The following MCF2L2 variants were observed in gnomAD, a reference collection of about 807,000 sequenced individuals.
MCF2L2 encodes the protein MCF.2 cell line derived transforming sequence-like 2.
In MCF2L2, 102 loss-of-function variants were observed where a neutral mutation model predicts 150.2. The observed-to-expected ratio is 0.68, with a 90% confidence interval of 0.58 to 0.80. The LOEUF (loss-of-function observed/expected upper bound fraction) is 0.80, where lower values mean the gene tolerates loss of function less well. Ranked by LOEUF, MCF2L2 falls within the 30% of genes least tolerant of loss-of-function variation. The pLI is 0.00. For missense variants in MCF2L2, 1,256 were observed against 1,372.8 expected (o/e 0.91, Z 1.34); for synonymous variants, 465 against 491.3 (o/e 0.95, Z 0.71).
At chr3:183,301,435 C>T (rs184595958) in intron 10 of MCF2L2, among the ~76,000 whole-genome samples, 37 of 152,218 alleles carry the variant, frequency 2.4e-4, no homozygotes, top group African/African-American at 6.5e-4. Flanking sequence ...TATTTTAAAT[C>T]GGATGGTGAG....
chr3:183,243,839 T>C (rs1189521005), intron 15 of MCF2L2, among the ~76,000 whole-genome samples: 1 of 152,142 alleles, frequency 6.6e-6, no homozygotes, highest in African/African-American at 2.4e-5. Flanking sequence ...AGCAACCAAC[T>C]CCAGAAACCC....
intron 5 of MCF2L2, among the ~76,000 whole-genome samples, chr3:183,338,215 T>C (rs1259376572): frequency 2.6e-5 from 4 of 151,442 alleles, no homozygotes; most frequent in Non-Finnish European, 2.9e-5. Context: ...GGGAGGCCGA[T>C]GCGGGTGTAT....
chr3:183,355,613 ATTTTT>A (rs71185653), intron 3 of MCF2L2, among the ~76,000 whole-genome samples: 4 of 84,454 alleles, frequency 4.7e-5, no homozygotes, highest in South Asian at 3.5e-4. Context: ...CGCCCAGCTA[ATTTTT>A]TTTTTTTTTT....
At chr3:183,335,833 C>T (rs1190766924) in intron 5 of MCF2L2, among the ~76,000 whole-genome samples, 2 of 152,282 alleles carry the variant, frequency 1.3e-5, no homozygotes, top group East Asian at 3.9e-4. Flanking sequence ...TGCACTCTAG[C>T]CTGGGTGACA....
intron 1 of MCF2L2, among the ~76,000 whole-genome samples, chr3:183,423,593 G>A (rs1715995784): frequency 6.6e-6 from 1 of 151,488 alleles, no homozygotes; most frequent in East Asian, 1.9e-4. Flanking sequence ...AAACCTCTAT[G>A]GGGAGTTACT....
chr3:183,253,082 G>T (rs1417468611), intron 15 of MCF2L2, among the ~76,000 whole-genome samples: 2 of 152,190 alleles, frequency 1.3e-5, no homozygotes, highest in Admixed American at 1.3e-4. Flanking sequence ...ACACTTCCTG[G>T]AATTCTCATC....
chr3:183,384,444 T>C (rs554760176), intron 2 of MCF2L2, among the ~76,000 whole-genome samples: 3 of 152,348 alleles, frequency 2.0e-5, no homozygotes, highest in African/African-American at 7.2e-5. Flanking sequence ...AAACTGCTCC[T>C]AAGATCAGTG....
At chr3:183,421,161 C>T (rs776625726) in intron 1 of MCF2L2, among the ~76,000 whole-genome samples, 3 of 148,096 alleles carry the variant, frequency 2.0e-5, no homozygotes, top group Non-Finnish European at 3.0e-5. Flanking sequence ...GATCTCTTTA[C>T]CTTTTTCCTA....
chr3:183,402,333 A>T (rs1205128390), intron 1 of MCF2L2, among the ~76,000 whole-genome samples: 2 of 151,454 alleles, frequency 1.3e-5, no homozygotes, highest in African/African-American at 4.9e-5. Context: ...GGGTGCCTGT[A>T]GTCCCAGCTA....
At chr3:183,395,935 A>AAAAAAG (rs1553794481) in intron 1 of MCF2L2, among the ~76,000 whole-genome samples, 2 of 99,026 alleles carry the variant, frequency 2.0e-5, no homozygotes, top group African/African-American at 6.0e-5. Context: ...AAAAAAAAAA[A>AAAAAAG]AAAGAAAGAA....
At chr3:183,303,117 C>G (rs926175163) in intron 10 of MCF2L2, among the ~76,000 whole-genome samples, 2 of 150,754 alleles carry the variant, frequency 1.3e-5, no homozygotes, top group African/African-American at 2.5e-5. Flanking sequence ...TAGCTTGAAC[C>G]TGGGAGGCGG....
intron 15 of MCF2L2, chr3:183,272,616 G>A: frequency 1.0e-6 from 1 of 998,600 alleles, no homozygotes; most frequent in Non-Finnish European, 1.2e-6. Context: ...AAACATTCTA[G>A]GTTGTAGTTA....
At chr3:183,336,529 T>G (rs1047217298) in intron 5 of MCF2L2, among the ~76,000 whole-genome samples, 1 of 152,084 alleles carries the variant, frequency 6.6e-6, no homozygotes, top group Admixed American at 6.6e-5. Flanking sequence ...TAAATGTATA[T>G]AGACATGTAA....
intron 27 of MCF2L2, among the ~76,000 whole-genome samples, chr3:183,185,140 G>A (rs557644702): frequency 6.6e-6 from 1 of 152,172 alleles, no homozygotes; most frequent in African/African-American, 2.4e-5. Flanking sequence ...GGATGGTCTC[G>A]ATCTCCTGAC....
chr3:183,369,351 G>A (rs894563650), intron 3 of MCF2L2, among the ~76,000 whole-genome samples: 16 of 152,092 alleles, frequency 1.1e-4, no homozygotes, highest in African/African-American at 3.9e-4. Context: ...CTGATAAGAG[G>A]CCACTGATCA....
At chr3:183,220,038 G>C in intron 20 of MCF2L2, 114 bp from the exon 21 acceptor site, 2 of 753,764 alleles carry the variant, frequency 2.7e-6, no homozygotes, top group Non-Finnish European at 4.7e-6. Flanking sequence ...AGCTGACTGA[G>C]AACGTGTGTA....
At chr3:183,325,174 G>A (rs894873543) in intron 5 of MCF2L2, among the ~76,000 whole-genome samples, 21 of 150,532 alleles carry the variant, frequency 1.4e-4, no homozygotes, top group Middle Eastern at 3.2e-3. Context: ...GCTAAATGAC[G>A]AGTTAATGGG....
chr3:183,359,154 T>C (rs574807166), intron 3 of MCF2L2, among the ~76,000 whole-genome samples: 5 of 152,140 alleles, frequency 3.3e-5, no homozygotes, highest in Admixed American at 3.3e-4. Flanking sequence ...TTTGCACTAT[T>C]CCCCCAGAAA....
rs60835895 is a variant in MCF2L2, at chr3:183,269,230, C to CTTTTTTTTTTTTTTTTTTTTTTTTTTT, written c.1862+7641_1862+7642insAAAAAAAAAAAAAAAAAAAAAAAAAAA. 2.3e-4 allele frequency among the ~76,000 whole-genome samples: 19 copies of CTTTTTTTTTTTTTTTTTTTTTTTTTTT among 81,002 alleles called. 4 individuals carry two copies. Among genetic ancestry groups the CTTTTTTTTTTTTTTTTTTTTTTTTTTT allele is most frequent in the African/African-American group, 9.5e-4 (15 of 15,758 alleles). 53.1% of individuals were successfully genotyped at this position (81,002 alleles called of 152,430 possible). A position where few individuals can be genotyped will look rare whatever the true frequency, so the allele number is the denominator to read the frequency against. ...TACACGATTATAGCCGTTTGGGAAG[C>CTTTTTTTTTTTTTTTTTTTTTTTTTTT]TTTTTTTTTTTTTTTTTTAAGAGTA... On this transcript the variant is annotated intron_variant, in intron 15 of 29. Transcript: ENST00000328913.
Sources: gnomAD v4.1 joint callset for allele counts (sites outside exome capture counted in the v4.1 genomes callset) on GRCh38, gnomAD v4.1.1 for gene constraint, MANE v1.5 for transcripts, NCBI Gene and HGNC (gene_info 2026-07-23, HGNC 2026-07-21) for gene names.